The following NCALD variants were observed in gnomAD, a reference collection of about 807,000 sequenced individuals.
The protein encoded by NCALD is neurocalcin-delta.
In NCALD, 10 loss-of-function variants were observed where a neutral mutation model predicts 18.6. That is an observed-to-expected ratio of 0.54 (90% CI 0.33 to 0.91). NCALD has a LOEUF of 0.91. Among genes scored for constraint, NCALD ranks in the 40% least tolerant of loss-of-function variants. The pLI, the probability that NCALD is intolerant of heterozygous loss-of-function variation, is 0.03. For synonymous variants in NCALD, 88 were observed against 87.4 expected (o/e 1.01, Z -0.04); for missense variants, 184 against 247.6 (o/e 0.74, Z 1.72).
intron 2 of NCALD, among the ~76,000 whole-genome samples, chr8:101,935,867 C>G (rs1176994912): frequency 2.1e-5 from 3 of 141,266 alleles, no homozygotes; most frequent in Non-Finnish European, 4.5e-5. Context: ...ACAGGAAAAT[C>G]AATGAAGCAG....
chr8:102,023,265 C>T (rs2132109392), intron 1 of NCALD, among the ~76,000 whole-genome samples: 1 of 152,306 alleles, frequency 6.6e-6, no homozygotes, highest in Non-Finnish European at 1.5e-5. Flanking sequence ...TATACTGAAG[C>T]CCAACTAGGC....
chr8:102,041,555 A>T (rs917589263), intron 1 of NCALD, among the ~76,000 whole-genome samples: 1 of 152,220 alleles, frequency 6.6e-6, no homozygotes, highest in Non-Finnish European at 1.5e-5. Context: ...CCCCACAGTG[A>T]ACCACGTATG....
chr8:102,011,268 A>G (rs1001669115), intron 2 of NCALD, among the ~76,000 whole-genome samples: 1 of 152,196 alleles, frequency 6.6e-6, no homozygotes, highest in African/African-American at 2.4e-5. Context: ...TGAGAACGTT[A>G]TGAACTCTCC....
At chr8:102,051,667 A>G (rs1469006927) in intron 1 of NCALD, among the ~76,000 whole-genome samples, 1 of 152,178 alleles carries the variant, frequency 6.6e-6, no homozygotes, top group Non-Finnish European at 1.5e-5. Flanking sequence ...CTGCTTTTCC[A>G]ATGTTCCTGA....
intron 1 of NCALD, among the ~76,000 whole-genome samples, chr8:102,067,175 C>T (rs758445697): frequency 1.1e-4 from 16 of 152,128 alleles, no homozygotes; most frequent in Admixed American, 7.2e-4. Flanking sequence ...GAAATGGGTC[C>T]ACCTGTTATA....
At chr8:102,040,934 T>A (rs1318899949) in intron 1 of NCALD, among the ~76,000 whole-genome samples, 1 of 151,762 alleles carries the variant, frequency 6.6e-6, no homozygotes, top group Non-Finnish European at 1.5e-5. Context: ...TGGGCGCTGA[T>A]GTGGTTATAC....
chr8:101,760,375 G>A (rs1811061691), intron 1 of NCALD, among the ~76,000 whole-genome samples: 1 of 152,160 alleles, frequency 6.6e-6, no homozygotes, highest in Admixed American at 6.5e-5. Context: ...CTCAGAGCAA[G>A]CAAGAAGAAA....
chr8:101,750,227 C>G (rs1454449286), intron 1 of NCALD: 1 of 152,214 alleles, frequency 6.6e-6, no homozygotes, highest in Non-Finnish European at 1.5e-5. Context: ...CCGGGTCCCC[C>G]CCCCATGACA....
intron 1 of NCALD, among the ~76,000 whole-genome samples, chr8:102,044,924 T>C (rs1051780799): frequency 3.1e-4 from 47 of 152,154 alleles, no homozygotes; most frequent in African/African-American, 1.1e-3. Flanking sequence ...GAGGATTCAA[T>C]GCATTAGTAG....
intron 4 of NCALD, among the ~76,000 whole-genome samples, chr8:101,831,131 A>C (rs1814167309): frequency 6.6e-6 from 1 of 152,144 alleles, no homozygotes; most frequent in African/African-American, 2.4e-5. Flanking sequence ...TAATTTCTTC[A>C]TTATTTTTAG....
chr8:101,976,921 G>A (rs1048626446), intron 2 of NCALD, among the ~76,000 whole-genome samples: 2 of 152,150 alleles, frequency 1.3e-5, no homozygotes, highest in African/African-American at 4.8e-5. Flanking sequence ...AAAGGGGCAG[G>A]AGTGAGGAAA....
chr8:101,694,915 C>A (rs1057305437), intron 2 of NCALD, among the ~76,000 whole-genome samples: 1 of 152,166 alleles, frequency 6.6e-6, no homozygotes, highest in South Asian at 2.1e-4. Flanking sequence ...TATTTAGTAA[C>A]AGTAGACAGC....
intron 2 of NCALD, chr8:101,950,315 T>C (rs1295304971): frequency 6.6e-6 from 1 of 152,210 alleles, no homozygotes; most frequent in African/African-American, 2.4e-5. Flanking sequence ...CAGATTTACG[T>C]TGCATAATCC....
In NCALD at chr8:102,081,565, A is replaced by C. The variant is rs1240612897; in HGVS notation, c.-210+42672T>G. Among the ~76,000 whole-genome samples the C allele has an allele frequency of 8.6e-5, 9 of 104,552 alleles. No homozygotes were observed. In the South Asian group the frequency reaches 9.0e-4, roughly 10 times the overall value. 68.6% of individuals were successfully genotyped at this position (104,552 alleles called of 152,430 possible). A position where few individuals can be genotyped will look rare whatever the true frequency, so the allele number is the denominator to read the frequency against. On this transcript the variant is annotated intron_variant, in intron 1 of 6. Transcript: ENST00000311028. ...AATGGTAAAAAAAAAAAAAAAAAAA[A>C]AAAAAAAAAAACCCCAAAAAAAACT...
At chr8:101,969,441 A>G (rs1820155637) in intron 2 of NCALD, among the ~76,000 whole-genome samples, 1 of 152,200 alleles carries the variant, frequency 6.6e-6, no homozygotes, top group Non-Finnish European at 1.5e-5. Flanking sequence ...ACTTCAACAT[A>G]ATTTTTAGCT....
chr8:102,020,973 C>A (rs1822253192), intron 1 of NCALD, among the ~76,000 whole-genome samples: 1 of 152,174 alleles, frequency 6.6e-6, no homozygotes, highest in East Asian at 1.9e-4. Context: ...CTGACTAACT[C>A]CTACTTGTCC....
chr8:101,958,243 T>C (rs1819706940), intron 2 of NCALD, among the ~76,000 whole-genome samples: 1 of 152,130 alleles, frequency 6.6e-6, no homozygotes, highest in African/African-American at 2.4e-5. Flanking sequence ...AATCGACATG[T>C]TTTTGTCTGG....
At chr8:101,768,723 C>CAAAAAAAAA (rs71268528) in intron 1 of NCALD, among the ~76,000 whole-genome samples, 405 of 136,050 alleles carry the variant, frequency 3.0e-3, no homozygotes, top group Non-Finnish European at 3.9e-3. Context: ...AACAAAAAAA[C>CAAAAAAAAA]AAAAAAAAAA....
chr8:101,788,008 C>T (rs1430134589), intron 1 of NCALD, among the ~76,000 whole-genome samples: 2 of 152,120 alleles, frequency 1.3e-5, no homozygotes, highest in Non-Finnish European at 2.9e-5. Flanking sequence ...TAAGGGTTTC[C>T]CAATCCAGGG....
Sources: allele counts gnomAD v4.1 joint callset (sites outside exome capture counted in the v4.1 genomes callset), GRCh38; gene constraint gnomAD v4.1.1; transcripts MANE v1.5; gene names NCBI Gene and HGNC (gene_info 2026-07-23, HGNC 2026-07-21).